Variants in PKHD1L1 observed in about 807,000 individuals in gnomAD.
PKHD1L1 encodes the protein fibrocystin-L.
Under a neutral mutation model 462.9 loss-of-function variants are expected in PKHD1L1, and 434 were observed. The ratio of observed to expected loss-of-function variants is 0.94; its 90% CI spans 0.87 to 1.02. The LOEUF is 1.02. PKHD1L1 is among the 50% of genes least tolerant of loss of function. PKHD1L1 has a pLI of 0.00. For synonymous variants in PKHD1L1, 1,781 were observed against 1,750.0 expected, an observed-to-expected ratio of 1.02 and a Z score of -0.44; for missense variants, 5,202 against 5,096.1, an observed-to-expected ratio of 1.02 and a Z score of -0.63.
chr8:109,416,535 C>T (rs1411633404), intron 21 of PKHD1L1, among the ~76,000 whole-genome samples: 2 of 152,080 alleles, frequency 1.3e-5, no homozygotes, highest in Non-Finnish European at 2.9e-5. Flanking sequence ...ATGTTGCATC[C>T]CCCAGTGCAC....
In PKHD1L1 at chr8:109,451,246, A is replaced by T. The variant is rs185096083; in HGVS notation, c.6350+97A>T. The T allele has an allele frequency of 1.2e-4, 149 of 1,288,208 alleles. No homozygotes were observed. The Middle Eastern group carries it at 1.7e-3, about 15-fold the overall frequency. The allele number at this position is 1,288,208 out of a possible 1,614,324, so 79.8% of individuals were successfully genotyped here. On this transcript the variant is annotated intron_variant, in intron 41 of 77. Transcript: ENST00000378402. ...GCCCGGACAGTGCAGAAATACAGTC[A>T]TGCAATGTGTACCTATATGCTCGTA... is the stretch of plus-strand genomic sequence containing the variant.
chr8:109,427,533 G>A (rs1345811107), intron 25 of PKHD1L1, among the ~76,000 whole-genome samples: 4 of 152,084 alleles, frequency 2.6e-5, no homozygotes, highest in Non-Finnish European at 5.9e-5. Flanking sequence ...ATTCTACCAC[G>A]AGAGCTGTAT....
In PKHD1L1 at chr8:109,445,753, G is replaced by T. The variant is rs143814116; in HGVS notation, c.5776+108G>T. 1,741 of 1,179,162 alleles carry T rather than the reference G, an allele frequency of 1.5e-3. 21 individuals carry two copies. The African/African-American group carries it at 0.024, about 16-fold the overall frequency. 73.0% of individuals were successfully genotyped at this position (1,179,162 alleles called of 1,614,324 possible). ...TAACTATTAAGGTGTGTTTATAAAT[G>T]TTCCCACTTACACTTAATACCTGGG... On this transcript the variant is annotated intron_variant, in intron 38 of 77. Coordinates refer to ENST00000378402, the MANE Select transcript of PKHD1L1 (RefSeq NM_177531.6).
chr8:109,484,483 A>G (rs918891220), intron 57 of PKHD1L1, among the ~76,000 whole-genome samples: 1 of 151,956 alleles, frequency 6.6e-6, no homozygotes, highest in Non-Finnish European at 1.5e-5. Context: ...AGTGTGATAG[A>G]GACTGCCATG....
At chr8:109,405,745 G>A (rs1002891058) in intron 16 of PKHD1L1, among the ~76,000 whole-genome samples, 3 of 151,984 alleles carry the variant, frequency 2.0e-5, no homozygotes, top group African/African-American at 7.3e-5. Flanking sequence ...ATGCATACTG[G>A]GCTTAATACC....
At chr8:109,495,735 A>G (rs1374644303) in intron 63 of PKHD1L1, among the ~76,000 whole-genome samples, 1 of 152,160 alleles carries the variant, frequency 6.6e-6, no homozygotes, top group African/African-American at 2.4e-5. Flanking sequence ...TGGACTAGGA[A>G]GAAGGGAAAA....
chr8:109,438,736 G>C (rs1392621563), intron 31 of PKHD1L1, among the ~76,000 whole-genome samples, 161 bp from the exon 32 acceptor site: 1 of 151,706 alleles, frequency 6.6e-6, no homozygotes, highest in Non-Finnish European at 1.5e-5. Flanking sequence ...CTCTGTGGCT[G>C]TTACCAACTC....
chr8:109,388,738 G>A (rs1399296894), intron 7 of PKHD1L1, among the ~76,000 whole-genome samples, 188 bp downstream of exon 7: 1 of 152,096 alleles, frequency 6.6e-6, no homozygotes, highest in Non-Finnish European at 1.5e-5. Context: ...AGGTCTCCAA[G>A]ATAGTATGAT....
chr8:109,435,443 A>T lies in PKHD1L1; in HGVS notation c.3505+89A>T, dbSNP rs1196434691. On this transcript the variant is annotated intron_variant, in intron 29 of 77. Transcript: ENST00000378402. Reference sequence around the variant, plus strand: ...TTCTAGTACAGGGTGAAGGGAGAGGATCCCAAAGCTTCCTCTTATAGAACA... The same window carrying T: ...TTCTAGTACAGGGTGAAGGGAGAGGTTCCCAAAGCTTCCTCTTATAGAACA... The T allele has an allele frequency of 4.4e-6, 6 of 1,366,174 alleles. No individual in the cohort carries two copies. The East Asian group carries it at 1.4e-4, about 32-fold the overall frequency. The allele number at this position is 1,366,174 out of a possible 1,614,324, so 84.6% of individuals were successfully genotyped here.
chr8:109,443,636 A>G, intron 36 of PKHD1L1, 40 bp from the exon 37 acceptor site: 1 of 1,427,318 alleles, frequency 7.0e-7, no homozygotes, highest in Non-Finnish European at 9.6e-7. Flanking sequence ...TCATTTTGGA[A>G]TGTTATTCAT....
At chr8:109,441,437 G>T in intron 34 of PKHD1L1, 58 bp downstream of exon 34, 4 of 973,054 alleles carry the variant, frequency 4.1e-6, no homozygotes, top group East Asian at 2.8e-5. Context: ...AAATTAATTT[G>T]ATTTTTATTT....
At chr8:109,378,330 G>A (rs944651468) in intron 2 of PKHD1L1, among the ~76,000 whole-genome samples, 13 of 152,040 alleles carry the variant, frequency 8.6e-5, no homozygotes, top group African/African-American at 2.7e-4. Context: ...GTCACTCCTC[G>A]TTTGAAAGCC....
Position 109,522,724 on chromosome 8 carries a change from CA to C in PKHD1L1, c.12184-19del. 1 of 1,594,396 alleles carries C rather than the reference CA, an allele frequency of 6.3e-7. No homozygotes were observed. Among genetic ancestry groups the C allele is most frequent in the African/African-American group, 1.3e-5 (1 of 74,388 alleles). On this transcript the variant is annotated intron_variant, in intron 74 of 77. Transcript: ENST00000378402. ...GTAGTTTATCATGAAGAAACCAGTT[CA>C]TCCCTTGTGCATTCACAGGTGACTG...
chr8:109,362,872 A>C (rs555726662), intron 1 of PKHD1L1, among the ~76,000 whole-genome samples: 5 of 152,238 alleles, frequency 3.3e-5, no homozygotes, highest in African/African-American at 1.2e-4. Flanking sequence ...ACAGAGAAAG[A>C]GATTGCGAGA....
At chr8:109,412,994 C>T (rs1203519746) in intron 20 of PKHD1L1, among the ~76,000 whole-genome samples, 2 of 152,074 alleles carry the variant, frequency 1.3e-5, no homozygotes, top group East Asian at 1.9e-4. Flanking sequence ...TACTATTTTA[C>T]AGTGACATTC....
At chr8:109,490,881 GGTTT>G in intron 60 of PKHD1L1, 87 bp from the exon 61 acceptor site, 1 of 1,172,402 alleles carries the variant, frequency 8.5e-7, no homozygotes, top group South Asian at 1.9e-5. Flanking sequence ...TATTGATAAA[GGTTT>G]GTTTACTGAA....
intron 40 of PKHD1L1, among the ~76,000 whole-genome samples, chr8:109,450,034 T>C (rs1027157252): frequency 1.6e-4 from 24 of 152,226 alleles, no homozygotes; most frequent in South Asian, 1.4e-3. Flanking sequence ...CTATTATTCT[T>C]ATTCTTACTT....
At chr8:109,453,536 C>A (rs955088667) in intron 43 of PKHD1L1, among the ~76,000 whole-genome samples, 1 of 152,090 alleles carries the variant, frequency 6.6e-6, no homozygotes. Context: ...GCTTAGCCAC[C>A]GGAAGACTCC....
intron 2 of PKHD1L1, among the ~76,000 whole-genome samples, chr8:109,376,222 C>T (rs976401846): frequency 3.3e-5 from 5 of 152,218 alleles, no homozygotes; most frequent in Non-Finnish European, 7.3e-5. Context: ...CCCCCAGCCT[C>T]GCTGCCGCCT....
Sources: allele counts gnomAD v4.1 joint callset (sites outside exome capture counted in the v4.1 genomes callset), GRCh38; gene constraint gnomAD v4.1.1; transcripts MANE v1.5; gene names NCBI Gene and HGNC (gene_info 2026-07-23, HGNC 2026-07-21).